The following PAWR variants were observed in gnomAD, a reference collection of about 807,000 sequenced individuals.
The protein encoded by PAWR is pro-apoptotic WT1 regulator.
PAWR carries 23 observed loss-of-function variants against 32.0 expected under a neutral mutation model. The ratio of observed to expected loss-of-function variants is 0.72; its 90% confidence interval spans 0.52 to 1.02. The LOEUF (loss-of-function observed/expected upper bound fraction) is 1.02, where lower values mean the gene tolerates loss of function less well. Among genes scored for constraint, PAWR ranks in the 50% least tolerant of loss-of-function variants. The pLI is 0.00. For synonymous variants in PAWR, 226 were observed against 187.1 expected, an observed-to-expected ratio of 1.21 and a Z score of -1.70; for missense variants, 457 against 437.7, an observed-to-expected ratio of 1.04 and a Z score of -0.39.
At chr12:79,661,895 G>C (rs998177150) in intron 2 of PAWR, among the ~76,000 whole-genome samples, 1 of 151,844 alleles carries the variant, frequency 6.6e-6, no homozygotes, top group Non-Finnish European at 1.5e-5. Flanking sequence ...AGGTAAAATG[G>C]AAAAGTAACA....
intron 2 of PAWR, among the ~76,000 whole-genome samples, chr12:79,680,552 C>T (rs1430821872): frequency 6.6e-6 from 1 of 151,838 alleles, no homozygotes; most frequent in Non-Finnish European, 1.5e-5. Context: ...AGTGTTATGC[C>T]CCAAACTCCA....
rs771281151 is a variant in PAWR, at chr12:79,596,587, T to A, written c.755A>T (p.Tyr252Phe). Residue 252 changes from tyrosine to phenylalanine, a missense_variant, in exon 5 of 7, where the codon TAT becomes TTT. Coordinates refer to ENST00000328827, the MANE Select transcript of PAWR (RefSeq NM_002583.4). ...ACCTGAAACATTTGCATCCCTGTTA[T>A]ATCTAGGGAACCCACTTCTATCTGT... Reference protein sequence around the residue: ...SRTDRSGFPRYNRDANVSGTL... With the variant: ...SRTDRSGFPRFNRDANVSGTL... 1.3e-6 allele frequency: 2 copies of A among 1,588,300 alleles called. No homozygotes were observed. Among genetic ancestry groups the A allele is most frequent in the Non-Finnish European group, 1.7e-6 (2 of 1,157,912 alleles).
intron 4 of PAWR, among the ~76,000 whole-genome samples, chr12:79,600,879 C>G (rs1269852588): frequency 6.6e-6 from 1 of 152,104 alleles, no homozygotes; most frequent in Non-Finnish European, 1.5e-5. Flanking sequence ...TGCCACGGCA[C>G]TTGAACTACT....
intron 2 of PAWR, among the ~76,000 whole-genome samples, chr12:79,674,363 A>T (rs530587278): frequency 1.3e-5 from 2 of 151,758 alleles, no homozygotes; most frequent in Non-Finnish European, 2.9e-5. Flanking sequence ...AGAAGACTGA[A>T]ATTGGACCCC....
intron 2 of PAWR, among the ~76,000 whole-genome samples, chr12:79,652,339 C>T (rs987991460): frequency 6.6e-6 from 1 of 152,060 alleles, no homozygotes; most frequent in African/African-American, 2.4e-5. Flanking sequence ...CTTTCAACAG[C>T]ATTAGTGGAA....
chr12:79,681,355 T>C (rs1162066509), intron 2 of PAWR, among the ~76,000 whole-genome samples: 1 of 151,986 alleles, frequency 6.6e-6, no homozygotes, highest in East Asian at 1.9e-4. Flanking sequence ...AGCTGCTTGG[T>C]AGGCTGAGGC....
intron 2 of PAWR, among the ~76,000 whole-genome samples, chr12:79,645,835 C>G (rs543341808): frequency 2.0e-5 from 3 of 152,124 alleles, no homozygotes; most frequent in African/African-American, 7.2e-5. Flanking sequence ...GGCCAGCTCA[C>G]GGTGATTTGA....
At chr12:79,598,281 G>A (rs1161766528) in intron 4 of PAWR, among the ~76,000 whole-genome samples, 4 of 152,162 alleles carry the variant, frequency 2.6e-5, no homozygotes, top group East Asian at 1.9e-4. Flanking sequence ...AGGTTGGACC[G>A]AGGACAATGC....
chr12:79,638,903 T>TACA (rs56996363), intron 2 of PAWR, among the ~76,000 whole-genome samples: 1 of 30,048 alleles, frequency 3.3e-5, no homozygotes, highest in African/African-American at 3.1e-4. Flanking sequence ...TATATTTTTT[T>TACA]TTTTTTTTTT....
chr12:79,640,218 C>G (rs977153306), intron 2 of PAWR, among the ~76,000 whole-genome samples: 1 of 151,942 alleles, frequency 6.6e-6, no homozygotes, highest in Non-Finnish European at 1.5e-5. Context: ...TCTATTTTAG[C>G]AGAGCCTACT....
At chr12:79,607,260 G>A (rs1433327092) in intron 4 of PAWR, among the ~76,000 whole-genome samples, 1 of 151,896 alleles carries the variant, frequency 6.6e-6, no homozygotes, top group Non-Finnish European at 1.5e-5. Flanking sequence ...CCCATCTCTA[G>A]CCTGGGTGAC....
intron 4 of PAWR, among the ~76,000 whole-genome samples, chr12:79,611,180 T>C (rs1291732331): frequency 6.8e-6 from 1 of 146,676 alleles, no homozygotes; most frequent in African/African-American, 2.5e-5. Context: ...TAGATATTTA[T>C]ATATAAATCT....
intron 2 of PAWR, among the ~76,000 whole-genome samples, chr12:79,660,435 AGCCTTCCAAATGATGTTAT>A (rs1390094147): frequency 1.3e-5 from 2 of 152,176 alleles, no homozygotes; most frequent in Non-Finnish European, 2.9e-5. Context: ...TGTTATAAGA[AGCCTTCCAAATGATGTTAT>A]GCACTAAAGT....
intron 2 of PAWR, among the ~76,000 whole-genome samples, chr12:79,661,784 A>C (rs1877362607): frequency 6.6e-6 from 1 of 152,182 alleles, no homozygotes; most frequent in Non-Finnish European, 1.5e-5. Context: ...TCATCAGTAA[A>C]TGGTAATATG....
intron 2 of PAWR, chr12:79,667,991 T>TC (rs1336617081): frequency 6.6e-6 from 1 of 151,920 alleles, no homozygotes; most frequent in Non-Finnish European, 1.5e-5. Flanking sequence ...ACAACCTCTG[T>TC]CCCCCGGGTT....
intron 2 of PAWR, among the ~76,000 whole-genome samples, chr12:79,663,588 G>A (rs1877451895): frequency 6.6e-6 from 1 of 151,976 alleles, no homozygotes; most frequent in Non-Finnish European, 1.5e-5. Context: ...CAAAACCCCA[G>A]CTCTACTAAA....
chr12:79,634,969 G>A (rs1046451903), intron 2 of PAWR, among the ~76,000 whole-genome samples: 2 of 152,060 alleles, frequency 1.3e-5, no homozygotes, highest in Non-Finnish European at 2.9e-5. Context: ...AGCAGACCCA[G>A]CTTCCCCAAG....
At chr12:79,663,085 T>G (rs1877426356) in intron 2 of PAWR, among the ~76,000 whole-genome samples, 1 of 152,204 alleles carries the variant, frequency 6.6e-6, no homozygotes, top group East Asian at 1.9e-4. Flanking sequence ...AGTAACTATC[T>G]TACTCCAAAA....
chr12:79,664,557 A>C (rs1227097666), intron 2 of PAWR, among the ~76,000 whole-genome samples: 1 of 151,944 alleles, frequency 6.6e-6, no homozygotes, highest in Non-Finnish European at 1.5e-5. Context: ...GTTTGGGGCC[A>C]CACATTGTTT....
Sources: allele counts gnomAD v4.1 joint callset (sites outside exome capture counted in the v4.1 genomes callset), GRCh38; gene constraint gnomAD v4.1.1; transcripts MANE v1.5; gene names NCBI Gene and HGNC (gene_info 2026-07-23, HGNC 2026-07-21).